The following DLG2 variants were observed in gnomAD, a reference collection of about 807,000 sequenced individuals.
DLG2 encodes the protein discs large MAGUK scaffold protein 2.
In DLG2, 45 loss-of-function variants were observed where a neutral mutation model predicts 132.5. The observed-to-expected ratio is 0.34, with a 90% CI of 0.27 to 0.44. The LOEUF is 0.44. Among genes scored for constraint, DLG2 ranks in the 20% least tolerant of loss-of-function variants. The probability of loss-of-function intolerance (pLI) is 1.00; values close to 1 mark genes in which losing one functional copy is unlikely to be tolerated. For missense variants in DLG2, 1,045 were observed against 1,196.9 expected (o/e 0.87, Z 1.87); for synonymous variants, 424 against 419.6 (o/e 1.01, Z -0.13).
intron 7 of DLG2, among the ~76,000 whole-genome samples, chr11:84,376,131 C>T (rs2098728008): frequency 6.6e-6 from 1 of 151,960 alleles, no homozygotes; most frequent in African/African-American, 2.4e-5. Flanking sequence ...TCAATCTTTT[C>T]TTTGGCAGCT....
chr11:84,793,235 G>T (rs1203670950), intron 6 of DLG2, among the ~76,000 whole-genome samples: 1 of 151,976 alleles, frequency 6.6e-6, no homozygotes, highest in Non-Finnish European at 1.5e-5. Flanking sequence ...TTCGTCCTTT[G>T]ATTTCTAGTT....
intron 6 of DLG2, among the ~76,000 whole-genome samples, chr11:84,851,770 A>G (rs1361366538): frequency 6.6e-6 from 1 of 151,948 alleles, no homozygotes; most frequent in African/African-American, 2.4e-5. Context: ...AGAGTCATTA[A>G]CAGACAAGGT....
chr11:85,208,867 T>C (rs117532598), intron 4 of DLG2, among the ~76,000 whole-genome samples: 3,009 of 152,168 alleles, frequency 0.02, 59 homozygotes, highest in Admixed American at 0.037. Context: ...ATAGAAGGGC[T>C]CTCCGGGGAG....
At chr11:85,401,207 C>T (rs12280871) in intron 3 of DLG2, among the ~76,000 whole-genome samples, 3,692 of 152,118 alleles carry the variant, frequency 0.024, 172 homozygotes, top group African/African-American at 0.082. Context: ...TAAAAGTAAT[C>T]CATCACATAA....
intron 6 of DLG2, among the ~76,000 whole-genome samples, chr11:84,799,848 T>C (rs544509319): frequency 2.7e-4 from 41 of 152,302 alleles, no homozygotes; most frequent in African/African-American, 9.6e-4. Context: ...AGTGTTTTCA[T>C]TTGTTTTTCT....
intron 3 of DLG2, among the ~76,000 whole-genome samples, chr11:85,306,330 C>A (rs2079940722): frequency 6.6e-6 from 1 of 152,142 alleles, no homozygotes; most frequent in African/African-American, 2.4e-5. Flanking sequence ...AGAGAAAGGG[C>A]CTTTCTCTCA....
intron 9 of DLG2, among the ~76,000 whole-genome samples, chr11:84,132,721 T>G (rs56316546): frequency 6.6e-6 from 1 of 151,898 alleles, no homozygotes; most frequent in African/African-American, 2.4e-5. Context: ...AGGAATAAAA[T>G]AGCCAGTACT....
At chr11:84,149,144 A>C (rs918558351) in intron 9 of DLG2, among the ~76,000 whole-genome samples, 1 of 152,122 alleles carries the variant, frequency 6.6e-6, no homozygotes, top group African/African-American at 2.4e-5. Flanking sequence ...TATAGTTTGC[A>C]GATTTTTCTC....
At chr11:84,733,483 G>A (rs2063426423) in intron 6 of DLG2, among the ~76,000 whole-genome samples, 1 of 151,926 alleles carries the variant, frequency 6.6e-6, no homozygotes, top group African/African-American at 2.4e-5. Context: ...CTTGTTGATA[G>A]GGTTGTTTCT....
intron 3 of DLG2, among the ~76,000 whole-genome samples, chr11:85,484,218 C>A (rs567276170): frequency 8.7e-5 from 13 of 149,060 alleles, no homozygotes; most frequent in Non-Finnish European, 1.8e-4. Context: ...CTCCCGACCC[C>A]TCCACCCGCC....
intron 6 of DLG2, among the ~76,000 whole-genome samples, chr11:84,778,255 G>C (rs1169210026): frequency 1.3e-5 from 2 of 152,096 alleles, no homozygotes; most frequent in East Asian, 3.9e-4. Context: ...TCAAAGATCA[G>C]TTGGTTGTAG....
chr11:85,240,521 A>G (rs1439712542), intron 4 of DLG2, among the ~76,000 whole-genome samples: 1 of 151,786 alleles, frequency 6.6e-6, no homozygotes, highest in Non-Finnish European at 1.5e-5. Flanking sequence ...ATACTCAAAT[A>G]TATTTTATAT....
intron 6 of DLG2, among the ~76,000 whole-genome samples, chr11:84,651,971 G>A (rs1241923380): frequency 6.6e-6 from 1 of 152,110 alleles, no homozygotes; most frequent in Non-Finnish European, 1.5e-5. Context: ...GGGAGATGAA[G>A]AATATCACTG....
At chr11:84,237,482 T>C (rs1046890610) in intron 8 of DLG2, among the ~76,000 whole-genome samples, 1 of 152,178 alleles carries the variant, frequency 6.6e-6, no homozygotes, top group Non-Finnish European at 1.5e-5. Context: ...GCTCATTAGA[T>C]TGGTAATGTT....
intron 6 of DLG2, among the ~76,000 whole-genome samples, chr11:84,883,196 A>G (rs894576002): frequency 6.6e-6 from 1 of 152,114 alleles, no homozygotes; most frequent in Non-Finnish European, 1.5e-5. Flanking sequence ...ATTCTCAGCA[A>G]ATTAACACAG....
intron 4 of DLG2, among the ~76,000 whole-genome samples, chr11:85,170,255 T>C (rs1047916339): frequency 7.2e-5 from 11 of 152,108 alleles, no homozygotes; most frequent in Admixed American, 2.6e-4. Flanking sequence ...AGAAGGAACT[T>C]CAGTAAGGCC....
intron 3 of DLG2, among the ~76,000 whole-genome samples, chr11:85,320,960 G>A (rs1422328427): frequency 6.6e-6 from 1 of 151,432 alleles, no homozygotes; most frequent in African/African-American, 2.4e-5. Context: ...GAAATTTTAT[G>A]ATCTAACTTC....
intron 7 of DLG2, among the ~76,000 whole-genome samples, chr11:84,419,843 A>T (rs547295418): frequency 6.6e-6 from 1 of 152,300 alleles, no homozygotes; most frequent in East Asian, 1.9e-4. Flanking sequence ...AACTACCTTC[A>T]TTATTACACA....
intron 9 of DLG2, among the ~76,000 whole-genome samples, chr11:84,140,951 C>T (rs939018450): frequency 1.3e-5 from 2 of 152,068 alleles, no homozygotes; most frequent in South Asian, 2.1e-4. Context: ...TTATGTGACC[C>T]GGGACAAATG....
Sources: allele counts gnomAD v4.1 joint callset (sites outside exome capture counted in the v4.1 genomes callset), GRCh38; gene constraint gnomAD v4.1.1; transcripts MANE v1.5; gene names NCBI Gene and HGNC (gene_info 2026-07-23, HGNC 2026-07-21).